Variants in DLC1 observed in about 807,000 individuals in gnomAD.
The protein encoded by DLC1 is rho GTPase-activating protein 7.
Under a neutral mutation model 140.3 loss-of-function variants are expected in DLC1, and 54 were observed. That is an observed-to-expected ratio of 0.38 (90% CI 0.31 to 0.48). The LOEUF (loss-of-function observed/expected upper bound fraction) is 0.48. Ranked by LOEUF, DLC1 falls within the 20% of genes least tolerant of loss-of-function variation. The pLI, the probability that DLC1 is intolerant of heterozygous loss-of-function variation, is 0.96. For synonymous variants in DLC1, 986 were observed against 728.1 expected (o/e 1.35, Z -5.70); for missense variants, 2,536 against 1,907.0 (o/e 1.33, Z -6.14).
chr8:13,590,735 A>T (rs1805489868), intron 1 of DLC1, among the ~76,000 whole-genome samples: 1 of 152,082 alleles, frequency 6.6e-6, no homozygotes, highest in African/African-American at 2.4e-5. Flanking sequence ...AGTGATTTTA[A>T]ATAGCTTCAT....
chr8:13,539,381 TG>T (rs1222466464), intron 1 of DLC1, among the ~76,000 whole-genome samples: 2 of 152,108 alleles, frequency 1.3e-5, no homozygotes, highest in Non-Finnish European at 2.9e-5. Context: ...TTTGTATTTT[TG>T]GTAGAGACGG....
intron 5 of DLC1, among the ~76,000 whole-genome samples, chr8:13,137,824 C>G (rs910179633): frequency 1.3e-5 from 2 of 151,950 alleles, no homozygotes; most frequent in African/African-American, 4.8e-5. Flanking sequence ...TCTCGAACTC[C>G]TGATCTCAGC....
At chr8:13,157,162 A>G (rs986518916) in intron 5 of DLC1, among the ~76,000 whole-genome samples, 2 of 152,224 alleles carry the variant, frequency 1.3e-5, no homozygotes, top group Non-Finnish European at 2.9e-5. Flanking sequence ...CATAACTTAC[A>G]AATGAAAACC....
intron 4 of DLC1, among the ~76,000 whole-genome samples, chr8:13,371,583 CT>C (rs36085176): frequency 1.1e-3 from 166 of 147,060 alleles, no homozygotes; most frequent in Non-Finnish European, 1.0e-3. Flanking sequence ...CTCACAATGA[CT>C]TTTTTTTTTT....
intron 1 of DLC1, among the ~76,000 whole-genome samples, chr8:13,508,791 T>C (rs1472685576): frequency 6.6e-6 from 1 of 152,208 alleles, no homozygotes; most frequent in Non-Finnish European, 1.5e-5. Flanking sequence ...TATGCAATCT[T>C]CTTAATAGTA....
intron 2 of DLC1, among the ~76,000 whole-genome samples, chr8:13,444,376 C>A (rs1305209209): frequency 6.6e-6 from 1 of 151,954 alleles, no homozygotes; most frequent in African/African-American, 2.4e-5. Flanking sequence ...TGCAGCAAAC[C>A]AACATGACAC....
chr8:13,503,021 C>G (rs1801888946), intron 1 of DLC1, among the ~76,000 whole-genome samples: 1 of 152,184 alleles, frequency 6.6e-6, no homozygotes, highest in Admixed American at 6.5e-5. Context: ...GATATTCGTG[C>G]ATGATTTTGA....
In DLC1 at chr8:13,095,091, C is replaced by T. The variant is rs201384145; in HGVS notation, c.3322G>A (p.Asp1108Asn). The stretch of plus-strand genomic sequence containing the variant: ...CCCGCAGGCAGCGCTCTCACCTGAT[C>T]CAAACAATGGTTCCGGAGGTATCGC... The part of the protein sequence containing the change: ...AMRYLRNHCL[D>N]QVGLFRKSGV... Residue 1108 changes from aspartate to asparagine, a missense_variant, in exon 11 of 18, where the codon GAT becomes AAT. Physicochemically the swap from Asp to Asn is conservative, Grantham distance 23. Coordinates refer to ENST00000276297, the MANE Select transcript of DLC1 (RefSeq NM_182643.3). The T allele has an allele frequency of 2.1e-5, 34 of 1,614,242 alleles. No homozygotes were observed. In the Admixed American group the frequency reaches 4.2e-4, roughly 20 times the overall value.
rs77526064 is a variant in DLC1 at position 13,157,500 on chromosome 8, G to T, written c.1349-41843C>A. Among the ~76,000 whole-genome samples the T allele has an allele frequency of 2.8e-3, 420 of 152,266 alleles. 3 individuals carry two copies. Among genetic ancestry groups the T allele is most frequent in the African/African-American group, 9.8e-3 (408 of 41,560 alleles). On this transcript the variant is annotated intron_variant, in intron 5 of 17. Coordinates refer to ENST00000276297, the MANE Select transcript of DLC1 (RefSeq NM_182643.3). ...AGTGATTAAGGGTAATTTAGCATTT[G>T]AAAAATAAGAAATCTTTGGTAATCA...
chr8:13,354,532 A>AG (rs376436603), intron 4 of DLC1, among the ~76,000 whole-genome samples: 2 of 151,752 alleles, frequency 1.3e-5, no homozygotes, highest in East Asian at 3.9e-4. Context: ...AGTTAAAAAA[A>AG]TAACTGAACT....
intron 5 of DLC1, among the ~76,000 whole-genome samples, chr8:13,244,900 A>G (rs530318409): frequency 7.2e-5 from 11 of 152,350 alleles, no homozygotes; most frequent in African/African-American, 2.2e-4. Context: ...GCAAGAAGGA[A>G]GACGGTTGCT....
At chr8:13,516,999 T>C (rs1031638423), upstream of DLC1, among the ~76,000 whole-genome samples, 6 of 152,320 alleles carry the variant, frequency 3.9e-5, no homozygotes, top group East Asian at 1.2e-3. Context: ...TTGGGAAGAC[T>C]TCTTAAACTC....
intron 16 of DLC1, among the ~76,000 whole-genome samples, chr8:13,087,471 C>A (rs1366062245): frequency 6.6e-6 from 1 of 152,196 alleles, no homozygotes; most frequent in Non-Finnish European, 1.5e-5. Context: ...GCCTTTAGAA[C>A]CATGAGCCAA....
At chr8:13,309,376 C>T (rs1422511478) in intron 4 of DLC1, among the ~76,000 whole-genome samples, 1 of 152,118 alleles carries the variant, frequency 6.6e-6, no homozygotes, top group African/African-American at 2.4e-5. Flanking sequence ...TTTTCTATGG[C>T]TCCCAACCAC....
chr8:13,383,070 A>C (rs968264543), intron 4 of DLC1, among the ~76,000 whole-genome samples: 1 of 152,228 alleles, frequency 6.6e-6, no homozygotes, highest in Non-Finnish European at 1.5e-5. Flanking sequence ...CCAAAGTATC[A>C]CAGTCAGAAA....
intron 2 of DLC1, among the ~76,000 whole-genome samples, chr8:13,446,816 C>T (rs188300772): frequency 7.2e-4 from 109 of 152,116 alleles, no homozygotes; most frequent in Admixed American, 2.5e-3. Context: ...GTGGTGGGTG[C>T]CTGTAAACCC....
intron 4 of DLC1, among the ~76,000 whole-genome samples, chr8:13,347,445 G>C (rs188447445): frequency 6.6e-6 from 1 of 152,312 alleles, no homozygotes; most frequent in Non-Finnish European, 1.5e-5. Flanking sequence ...GACACTCCTT[G>C]AGTAGTGGTG....
chr8:13,598,060 C>T (rs773521024), intron 1 of DLC1, among the ~76,000 whole-genome samples: 14 of 151,988 alleles, frequency 9.2e-5, no homozygotes, highest in Middle Eastern at 6.8e-3. Flanking sequence ...TCTAAGTAAA[C>T]GCCACTAGGC....
Position 13,269,794 on chromosome 8 carries a change from G to A in DLC1, c.1348+35475C>T, listed in dbSNP as rs188659990. ...AAAACATGGCCAGGCGCAGTGGCCC[G>A]TGCCTGTAATCCCAGCATTTTGGGA... is the stretch of plus-strand genomic sequence containing the variant. On this transcript the variant is annotated intron_variant, in intron 5 of 17. Transcript: ENST00000276297. Among the ~76,000 whole-genome samples, 7 of 150,668 alleles carry A rather than the reference G, an allele frequency of 4.6e-5. No individual in the cohort carries two copies. The East Asian group carries it at 1.4e-3, about 29-fold the overall frequency.
Sources: allele counts gnomAD v4.1 joint callset (sites outside exome capture counted in the v4.1 genomes callset), GRCh38; gene constraint gnomAD v4.1.1; transcripts MANE v1.5; gene names NCBI Gene and HGNC (gene_info 2026-07-23, HGNC 2026-07-21).